Variants in SLC25A48 observed in about 807,000 individuals in gnomAD.
SLC25A48 encodes the protein CTC-321K16.1.
SLC25A48 carries 29 observed loss-of-function variants against 32.2 expected under a neutral mutation model. The observed-to-expected ratio is 0.90, with a 90% confidence interval of 0.67 to 1.23. The LOEUF (loss-of-function observed/expected upper bound fraction) is 1.23, where lower values mean the gene tolerates loss of function less well. SLC25A48 is among the 50% of genes most tolerant of loss of function. The pLI, the probability that SLC25A48 is intolerant of heterozygous loss-of-function variation, is 0.00. For missense variants in SLC25A48, 399 were observed against 422.7 expected (o/e 0.94, Z 0.49); for synonymous variants, 164 against 172.3 (o/e 0.95, Z 0.38).
chr5:135,845,573 C>T (rs1759339007), intron 2 of SLC25A48, among the ~76,000 whole-genome samples: 2 of 152,174 alleles, frequency 1.3e-5, no homozygotes, highest in Non-Finnish European at 2.9e-5. Context: ...CAGTCCTGGC[C>T]TTATCACCTA....
intron 3 of SLC25A48, among the ~76,000 whole-genome samples, chr5:135,805,908 A>T (rs1423748291): frequency 1.3e-5 from 2 of 151,416 alleles, no homozygotes; most frequent in East Asian, 1.9e-4. Context: ...TCTTAGGGAG[A>T]TATTACTCAT....
intron 1 of SLC25A48, among the ~76,000 whole-genome samples, chr5:135,610,240 C>CG (rs1561756953): frequency 1.3e-5 from 2 of 152,184 alleles, no homozygotes; most frequent in African/African-American, 4.8e-5. Context: ...CTACACCTGA[C>CG]GGGGGTGCCC....
chr5:135,821,163 C>T (rs1355186365), intron 4 of SLC25A48, among the ~76,000 whole-genome samples: 1 of 152,182 alleles, frequency 6.6e-6, no homozygotes, highest in Admixed American at 6.5e-5. Context: ...GTGGAGAGGA[C>T]TACATGACAC....
intron 3 of SLC25A48, among the ~76,000 whole-genome samples, chr5:135,765,013 A>G (rs746965333): frequency 1.3e-5 from 2 of 150,060 alleles, no homozygotes; most frequent in South Asian, 4.2e-4. Context: ...GGGTGACATT[A>G]CTCCTCATAT....
In SLC25A48 at chr5:135,813,843, G is replaced by A. The variant is rs114155614; in HGVS notation, c.-117+917G>A. Among the ~76,000 whole-genome samples, 1,090 of 152,264 alleles carry A rather than the reference G, an allele frequency of 7.2e-3. 16 individuals carry two copies. Among genetic ancestry groups the A allele is most frequent in the African/African-American group, 0.026 (1,063 of 41,550 alleles). On this transcript the variant is annotated intron_variant, in intron 4 of 10. Coordinates refer to the SLC25A48 transcript ENST00000646290. ...GGAGGGTGCTGCGCTGAGTGCAGGC[G>A]CTCAGGAACAAAGGCACTTGATGTG...
intron 2 of SLC25A48, among the ~76,000 whole-genome samples, chr5:135,848,655 T>C (rs1759601825): frequency 6.6e-6 from 1 of 152,220 alleles, no homozygotes; most frequent in African/African-American, 2.4e-5. Flanking sequence ...CTCCACTAGG[T>C]TGTAAGTTCC....
rs761556956 is a variant in SLC25A48, at chr5:135,763,315, ATC to A, written c.-520-49206_-520-49205del. Among the ~76,000 whole-genome samples the A allele has an allele frequency of 4.1e-4, 63 of 152,048 alleles. 1 individual carries two copies. Among genetic ancestry groups the A allele is most frequent in the Non-Finnish European group, 7.8e-4 (53 of 68,014 alleles). ...ACAAGGTGGTAGCAGCAGCAATGGC[ATC>A]TGTTAGGTTTTGAGCCCCTGCCATG... On this transcript the variant is annotated intron_variant, in intron 3 of 10. Coordinates refer to the SLC25A48 transcript ENST00000646290.
chr5:135,878,841 T>C (rs1214829764), intron 6 of SLC25A48, among the ~76,000 whole-genome samples: 1 of 152,190 alleles, frequency 6.6e-6, no homozygotes, highest in East Asian at 1.9e-4. Context: ...TGGTCGTTTC[T>C]TACCAGAGGA....
chr5:135,623,281 T>G (rs1385881378), intron 1 of SLC25A48, among the ~76,000 whole-genome samples: 2 of 152,216 alleles, frequency 1.3e-5, no homozygotes, highest in Non-Finnish European at 2.9e-5. Flanking sequence ...TTGTCTCCTC[T>G]TAACTCCCCA....
chr5:135,767,966 A>G (rs6864409), intron 3 of SLC25A48, among the ~76,000 whole-genome samples: 41,128 of 132,938 alleles, frequency 0.31, 6,390 homozygotes, highest in East Asian at 0.46. Context: ...CGGGGGGGGG[A>G]GAGGATAATA....
chr5:135,843,883 C>A (rs186347941), intron 2 of SLC25A48, among the ~76,000 whole-genome samples: 1 of 152,258 alleles, frequency 6.6e-6, no homozygotes, highest in Non-Finnish European at 1.5e-5. Context: ...GGCCTTGCTG[C>A]GTGCCTCCTG....
At chr5:135,712,317 C>T (rs745601569) in intron 3 of SLC25A48, among the ~76,000 whole-genome samples, 3 of 152,172 alleles carry the variant, frequency 2.0e-5, no homozygotes, top group Non-Finnish European at 2.9e-5. Flanking sequence ...GGTGCTCCAC[C>T]TCTACTCCTA....
At position 135,888,302 on chromosome 5, in the gene SLC25A48, GTC is replaced by G; in HGVS notation, c.*279_*280del. On this transcript the variant is annotated 3_prime_UTR_variant, in exon 8 of 8. Coordinates refer to ENST00000681962, the MANE Select transcript of SLC25A48 (RefSeq NM_001349336.2). ...AAGAAATGTTTGGTCCAGCTGAGAAGTCCTGACCATGAGCACCAGGGAGCCAG... is the reference window on the plus strand; with the variant it reads ...AAGAAATGTTTGGTCCAGCTGAGAAGCTGACCATGAGCACCAGGGAGCCAG... 1 of 466,780 alleles carries G rather than the reference GTC, an allele frequency of 2.1e-6. No homozygotes were observed. The highest frequency in any genetic ancestry group is 3.8e-6 in the Non-Finnish European group (1 of 259,950). The allele number at this position is 466,780 out of a possible 1,614,324, so 28.9% of individuals were successfully genotyped here.
At chr5:135,609,795 A>G (rs1752022952) in intron 1 of SLC25A48, 1 of 152,248 alleles carries the variant, frequency 6.6e-6, no homozygotes, top group Admixed American at 6.5e-5. Context: ...AAAAGAGAAT[A>G]CGTGTACATT....
rs564859336 is a variant in SLC25A48 at position 135,782,361 on chromosome 5, G to A, written c.-520-30162G>A. On this transcript the variant is annotated intron_variant, in intron 3 of 10. Transcript: ENST00000646290. Reference sequence around the variant, plus strand: ...CAGGGTGTGTACACCCCCCTTTCTCGTTCCTAATACCCAGGATGTGAGAGG... The same window carrying A: ...CAGGGTGTGTACACCCCCCTTTCTCATTCCTAATACCCAGGATGTGAGAGG... Among the ~76,000 whole-genome samples, 206 of 115,796 alleles carry A rather than the reference G, an allele frequency of 1.8e-3. 63 individuals carry two copies. Among genetic ancestry groups the A allele is most frequent in the Non-Finnish European group, 1.8e-3 (85 of 46,840 alleles). The allele number at this position is 115,796 out of a possible 152,430, so 76.0% of individuals were successfully genotyped here. A position where few individuals can be genotyped will look rare whatever the true frequency, so the allele number is the denominator to read the frequency against.
At chr5:135,867,469 T>G (rs1030975066) in intron 4 of SLC25A48, among the ~76,000 whole-genome samples, 1 of 152,186 alleles carries the variant, frequency 6.6e-6, no homozygotes. Context: ...TCCGATCCAG[T>G]GTTTTCCTGA....
chr5:135,659,618 G>C (rs1753340512), intron 3 of SLC25A48, among the ~76,000 whole-genome samples: 1 of 152,108 alleles, frequency 6.6e-6, no homozygotes, highest in African/African-American at 2.4e-5. Flanking sequence ...TCTTGTATTA[G>C]TCTGTTCTCA....
chr5:135,637,109 T>C (rs1752723292), intron 3 of SLC25A48, among the ~76,000 whole-genome samples: 1 of 152,256 alleles, frequency 6.6e-6, no homozygotes, highest in Admixed American at 6.5e-5. Flanking sequence ...TGAGTTAAAC[T>C]GACCCTGTCT....
Position 135,804,766 on chromosome 5 carries a change from C to T in SLC25A48, c.-520-7757C>T, listed in dbSNP as rs763176648. Among the ~76,000 whole-genome samples, 3 of 151,528 alleles carry T rather than the reference C, an allele frequency of 2.0e-5. No individual in the cohort carries two copies. In the South Asian group the frequency reaches 6.2e-4, roughly 31 times the overall value. On this transcript the variant is annotated intron_variant, in intron 3 of 10. Transcript: ENST00000646290. ...AGTGAGTGTACATCATAAGTGTACACCCTGTGAAAATATTCATAATATTTT... is the reference window on the plus strand; with the variant it reads ...AGTGAGTGTACATCATAAGTGTACATCCTGTGAAAATATTCATAATATTTT...
Sources: gnomAD v4.1 joint callset for allele counts (sites outside exome capture counted in the v4.1 genomes callset) on GRCh38, gnomAD v4.1.1 for gene constraint, MANE v1.5 for transcripts, NCBI Gene and HGNC (gene_info 2026-07-23, HGNC 2026-07-21) for gene names.